Variants in C16orf74 observed in about 807,000 individuals in gnomAD.
The protein encoded by C16orf74 is uncharacterized protein C16orf74.
Under a neutral mutation model 6.5 loss-of-function variants are expected in C16orf74, and 10 were observed. The observed-to-expected ratio is 1.54, with a 90% CI of 0.95 to 2.61. The LOEUF is 2.61. Ranked by LOEUF, C16orf74 falls within the 30% of genes most tolerant of loss-of-function variation. C16orf74 has a pLI of 0.00. For synonymous variants in C16orf74, 60 were observed against 42.5 expected (o/e 1.41, Z -1.60); for missense variants, 141 against 105.9 (o/e 1.33, Z -1.45).
intron 1 of C16orf74, among the ~76,000 whole-genome samples, chr16:85,745,960 A>G (rs112759420): frequency 1.2e-3 from 177 of 152,356 alleles, no homozygotes; most frequent in African/African-American, 3.9e-3. Flanking sequence ...TAGAGCTGGA[A>G]GTGGTCAGAG....
intron 2 of C16orf74, among the ~76,000 whole-genome samples, chr16:85,721,487 T>A (rs567285629): frequency 4.2e-4 from 64 of 152,308 alleles, no homozygotes; most frequent in African/African-American, 1.5e-3. Context: ...CGCATTTGAA[T>A]CTCAGGTTAA....
At chr16:85,740,120 G>A (rs1024480777) in intron 1 of C16orf74, among the ~76,000 whole-genome samples, 1 of 143,912 alleles carries the variant, frequency 6.9e-6, no homozygotes, top group Non-Finnish European at 1.5e-5. Context: ...TGAGGCAGGA[G>A]AATCGCTTGA....
intron 2 of C16orf74, among the ~76,000 whole-genome samples, chr16:85,731,691 A>AT (rs11313311): frequency 4.9e-5 from 7 of 144,278 alleles, no homozygotes; most frequent in Admixed American, 1.4e-4. Flanking sequence ...TTGTGATGTC[A>AT]TTTTTTTTTT....
intron 1 of C16orf74, among the ~76,000 whole-genome samples, chr16:85,742,438 T>A (rs902234770): frequency 6.6e-6 from 1 of 152,084 alleles, no homozygotes; most frequent in Non-Finnish European, 1.5e-5. Flanking sequence ...CGCCACATGA[T>A]CTCTGTGGCT....
chr16:85,732,226 G>A (rs896310937), intron 2 of C16orf74, among the ~76,000 whole-genome samples: 1 of 152,192 alleles, frequency 6.6e-6, no homozygotes, highest in Non-Finnish European at 1.5e-5. Flanking sequence ...GCTCACACCT[G>A]GATGTCACAC....
At chr16:85,713,244 T>C (rs2053987466) in intron 2 of C16orf74, among the ~76,000 whole-genome samples, 1 of 151,952 alleles carries the variant, frequency 6.6e-6, no homozygotes, top group African/African-American at 2.4e-5. Context: ...CACATTGTAT[T>C]CTCCCTGCGT....
Position 85,710,179 on chromosome 16 carries a change from C to A in C16orf74, c.157G>T (p.Asp53Tyr), listed in dbSNP as rs779026239. The A allele has an allele frequency of 3.4e-6, 5 of 1,465,630 alleles. No homozygotes were observed. The South Asian group carries it at 6.0e-5, about 18-fold the overall frequency. The allele number at this position is 1,465,630 out of a possible 1,614,324, so 90.8% of individuals were successfully genotyped here. The change falls in exon 3 of 4, where the codon GAC becomes TAC. Residue 53 changes from aspartate (D) to tyrosine (Y), a missense_variant. Asp to Tyr is a radical substitution (Grantham distance 160, BLOSUM62 -3). Transcript: ENST00000284245. ...ACGGCCTCACCTGTGCTCCCCAAGT[C>A]CCTCGGCAGCATCATGCCCGTGGGG... is the stretch of plus-strand genomic sequence containing the variant. ...PTPTGMMLPR[D>Y]LGSTVWLDET...
At chr16:85,743,165 G>A (rs997416327) in intron 1 of C16orf74, 6 of 152,190 alleles carry the variant, frequency 3.9e-5, no homozygotes, top group African/African-American at 1.2e-4. Context: ...GCTTTCATGC[G>A]AGAGGCCCCT....
intron 1 of C16orf74, among the ~76,000 whole-genome samples, chr16:85,738,551 G>A (rs1364977078): frequency 1.3e-5 from 2 of 151,112 alleles, no homozygotes; most frequent in Non-Finnish European, 1.5e-5. Flanking sequence ...GGCTGGTCTC[G>A]AACTCCTGAC....
intron 1 of C16orf74, among the ~76,000 whole-genome samples, chr16:85,739,883 G>A (rs1032361322): frequency 2.0e-5 from 3 of 152,126 alleles, no homozygotes; most frequent in Non-Finnish European, 4.4e-5. Context: ...TAAGTTTTCT[G>A]ATTCTGATTA....
intron 2 of C16orf74, among the ~76,000 whole-genome samples, chr16:85,715,684 G>A (rs149636435): frequency 6.6e-6 from 1 of 152,186 alleles, no homozygotes; most frequent in Non-Finnish European, 1.5e-5. Context: ...TCTAAAAGCA[G>A]GCATCAGGCA....
intron 3 of C16orf74, 23 bp downstream of exon 3, chr16:85,710,141 G>A: frequency 1.4e-6 from 2 of 1,402,254 alleles, no homozygotes; most frequent in East Asian, 3.0e-5. Flanking sequence ...GACCCGGCTT[G>A]GCGGTGGAGG....
rs2053954878 is a variant in C16orf74 at position 85,710,196 on chromosome 16, C to T, written c.140G>A (p.Gly47Asp). 1.3e-6 allele frequency: 2 copies of T among 1,487,358 alleles called. No individual in the cohort carries two copies. The highest frequency in any genetic ancestry group is 1.4e-5 in the South Asian group (1 of 69,906). The allele number at this position is 1,487,358 out of a possible 1,614,324, so 92.1% of individuals were successfully genotyped here. A position where few individuals can be genotyped will look rare whatever the true frequency, so the allele number is the denominator to read the frequency against. ...DIIITPPTPT[G>D]MMLPRDLGST... ...CCCCAAGTCCCTCGGCAGCATCATGCCCGTGGGGGTGGGGGGCGTGATGAT... is the reference window on the plus strand; with the variant it reads ...CCCCAAGTCCCTCGGCAGCATCATGTCCGTGGGGGTGGGGGGCGTGATGAT... The change falls in exon 3 of 4, where the codon GGC becomes GAC. Residue 47 changes from glycine to aspartate, a missense_variant. Physicochemically the swap from Gly to Asp is moderately conservative, Grantham distance 94 (BLOSUM62 -1). Coordinates refer to ENST00000284245, the MANE Select transcript of C16orf74 (RefSeq NM_206967.3).
intron 1 of C16orf74, 59 bp from the exon 2 acceptor site, chr16:85,735,294 G>C: frequency 7.6e-7 from 1 of 1,309,186 alleles, no homozygotes; most frequent in Non-Finnish European, 1.1e-6. Flanking sequence ...TATTGGCCAC[G>C]TGCAGCCGGG....
intron 2 of C16orf74, among the ~76,000 whole-genome samples, chr16:85,726,418 C>T (rs1231444805): frequency 6.6e-6 from 1 of 152,184 alleles, no homozygotes; most frequent in Non-Finnish European, 1.5e-5. Flanking sequence ...AGCGACTGTG[C>T]GTTGGCTCCT....
intron 1 of C16orf74, among the ~76,000 whole-genome samples, chr16:85,748,617 C>T (rs2054400514): frequency 6.6e-6 from 1 of 151,954 alleles, no homozygotes; most frequent in Non-Finnish European, 1.5e-5. Context: ...ACAAAAAAAC[C>T]CAAAAGAGTT....
intron 1 of C16orf74, among the ~76,000 whole-genome samples, chr16:85,748,301 G>C (rs144850444): frequency 0.013 from 1,913 of 152,034 alleles, 50 homozygotes; most frequent in African/African-American, 0.043. Flanking sequence ...GCAAATGGTT[G>C]AGAGAGTTAT....
At chr16:85,731,986 G>C (rs555543392) in intron 2 of C16orf74, among the ~76,000 whole-genome samples, 1 of 152,330 alleles carries the variant, frequency 6.6e-6, no homozygotes, top group Admixed American at 6.5e-5. Context: ...CCACCGTGCA[G>C]CCCCGCAGAT....
chr16:85,727,492 G>A (rs1035938766), intron 2 of C16orf74, among the ~76,000 whole-genome samples: 9 of 152,114 alleles, frequency 5.9e-5, no homozygotes, highest in Non-Finnish European at 1.0e-4. Context: ...GGGGGAAATC[G>A]GAATCACGTG....
Sources: gnomAD v4.1 joint callset for allele counts (sites outside exome capture counted in the v4.1 genomes callset) on GRCh38, gnomAD v4.1.1 for gene constraint, MANE v1.5 for transcripts, NCBI Gene and HGNC (gene_info 2026-07-23, HGNC 2026-07-21) for gene names.